HAT1: variants seen among roughly 807,000 people sequenced by gnomAD.
HAT1 encodes histone acetyltransferase type B catalytic subunit.
Under a neutral mutation model 56.6 loss-of-function variants are expected in HAT1, and 20 were observed. The observed-to-expected ratio is 0.35, with a 90% CI of 0.25 to 0.51. The LOEUF (loss-of-function observed/expected upper bound fraction) is 0.51, where lower values mean the gene tolerates loss of function less well. Among genes scored for constraint, HAT1 ranks in the 20% least tolerant of loss-of-function variants. The probability of loss-of-function intolerance (pLI) is 0.95; values close to 1 mark genes in which losing one functional copy is unlikely to be tolerated. For missense variants in HAT1, 408 were observed against 504.3 expected (o/e 0.81, Z 1.83); for synonymous variants, 146 against 165.5 (o/e 0.88, Z 0.91).
At chr2:171,977,557 A>ATTTT (rs1172067451) in intron 9 of HAT1, among the ~76,000 whole-genome samples, 18 of 16,328 alleles carry the variant, frequency 1.1e-3, no homozygotes, top group East Asian at 7.5e-3. Flanking sequence ...ATATATATAT[A>ATTTT]TTTTTTTTTT....
At chr2:171,977,377 G>A (rs1297784307) in intron 9 of HAT1, among the ~76,000 whole-genome samples, 1 of 142,538 alleles carries the variant, frequency 7.0e-6, no homozygotes, top group African/African-American at 2.6e-5. Context: ...CAGAAGAATC[G>A]CTTAAACCTG....
At chr2:171,931,211 C>T (rs1558962262) in intron 2 of HAT1, among the ~76,000 whole-genome samples, 1 of 150,762 alleles carries the variant, frequency 6.6e-6, no homozygotes, top group Non-Finnish European at 1.5e-5. Flanking sequence ...AGCAACATGG[C>T]AGAACCCCAT....
chr2:171,946,782 GAGTA>G lies in HAT1; in HGVS notation c.188+5_188+8del. 7.1e-7 allele frequency: 1 copy of G among 1,407,126 alleles called. No homozygotes were observed. Among genetic ancestry groups the G allele is most frequent in the Non-Finnish European group, 9.9e-7 (1 of 1,009,234 alleles). 87.2% of individuals were successfully genotyped at this position (1,407,126 alleles called of 1,614,324 possible). ...GTATACCCATCAACTCTTTGGGGAT[GAGTA>G]AGTAACTTAGTAAAATATTTGTCAA... On this transcript the variant is annotated splice_donor_variant and splice_donor_region_variant and coding_sequence_variant and intron_variant, in exon 3 of 11. Coordinates refer to ENST00000264108, the MANE Select transcript of HAT1 (RefSeq NM_003642.4). LOFTEE classifies it high-confidence loss of function.
At chr2:171,975,746 C>CT (rs909485972) in intron 8 of HAT1, among the ~76,000 whole-genome samples, 4 of 151,696 alleles carry the variant, frequency 2.6e-5, no homozygotes, top group South Asian at 4.2e-4. Flanking sequence ...TGTTTTCTCT[C>CT]TTTTTTTTCA....
At chr2:171,978,824 G>A (rs569438434) in intron 9 of HAT1, among the ~76,000 whole-genome samples, 3 of 151,480 alleles carry the variant, frequency 2.0e-5, no homozygotes, top group South Asian at 2.1e-4. Context: ...AGTGGCTTAC[G>A]CCAGTAACTC....
intron 8 of HAT1, among the ~76,000 whole-genome samples, chr2:171,968,724 A>G (rs554300655): frequency 4.6e-4 from 70 of 152,248 alleles, no homozygotes; most frequent in Non-Finnish European, 9.6e-4. Flanking sequence ...TCTCATTAAG[A>G]TATTTATTTC....
intron 2 of HAT1, among the ~76,000 whole-genome samples, chr2:171,946,389 T>G (rs1279854188): frequency 1.3e-5 from 2 of 152,256 alleles, no homozygotes; most frequent in Non-Finnish European, 2.9e-5. Context: ...CTTTTTGTTT[T>G]TCCTTTACTC....
chr2:171,960,865 A>G (rs1415527147), intron 4 of HAT1, among the ~76,000 whole-genome samples: 1 of 151,892 alleles, frequency 6.6e-6, no homozygotes, highest in Non-Finnish European at 1.5e-5. Flanking sequence ...AAAAATGCTG[A>G]ACGTGGTGGC....
chr2:171,926,757 CATAA>C (rs1182555827), intron 2 of HAT1, among the ~76,000 whole-genome samples: 3 of 152,176 alleles, frequency 2.0e-5, no homozygotes, highest in Non-Finnish European at 4.4e-5. Flanking sequence ...AGAAGTTAAA[CATAA>C]ATGAATTATA....
At chr2:171,971,968 G>A (rs1687825357) in intron 8 of HAT1, among the ~76,000 whole-genome samples, 1 of 152,072 alleles carries the variant, frequency 6.6e-6, no homozygotes, top group Admixed American at 6.5e-5. Context: ...GGGTCCCAAA[G>A]GGCAGCCCCT....
intron 3 of HAT1, among the ~76,000 whole-genome samples, chr2:171,949,592 T>A (rs528524551): frequency 6.6e-6 from 1 of 151,432 alleles, no homozygotes; most frequent in African/African-American, 2.4e-5. Context: ...GAGAATTGCC[T>A]GAACCTGGGA....
intron 2 of HAT1, among the ~76,000 whole-genome samples, chr2:171,935,936 A>G (rs1296781968): frequency 6.6e-6 from 1 of 152,104 alleles, no homozygotes. Context: ...AGGTAGGAAG[A>G]TAAGTGGTGA....
At chr2:171,969,523 G>A (rs948726043) in intron 8 of HAT1, among the ~76,000 whole-genome samples, 1 of 152,060 alleles carries the variant, frequency 6.6e-6, no homozygotes. Flanking sequence ...TTAAATTCAA[G>A]AAAATTTTAT....
At chr2:171,972,453 T>TG (rs1687840773) in intron 8 of HAT1, among the ~76,000 whole-genome samples, 1 of 152,202 alleles carries the variant, frequency 6.6e-6, no homozygotes, top group South Asian at 2.1e-4. Flanking sequence ...TCTGTAGAGA[T>TG]GGGGTCTCAC....
intron 3 of HAT1, among the ~76,000 whole-genome samples, chr2:171,948,781 A>G (rs917922624): frequency 6.6e-6 from 1 of 152,146 alleles, no homozygotes; most frequent in Non-Finnish European, 1.5e-5. Flanking sequence ...TTTATTTGTG[A>G]TTAAACTCAG....
intron 8 of HAT1, among the ~76,000 whole-genome samples, chr2:171,971,158 A>G (rs1687807155): frequency 1.3e-5 from 2 of 152,324 alleles, no homozygotes; most frequent in South Asian, 2.1e-4. Context: ...AGATCGCGCC[A>G]CTGTACTCCA....
intron 10 of HAT1, among the ~76,000 whole-genome samples, chr2:171,982,478 T>C (rs1688156758): frequency 6.6e-6 from 1 of 152,188 alleles, no homozygotes; most frequent in Non-Finnish European, 1.5e-5. Flanking sequence ...CAACTCTGGC[T>C]TGAACTACTG....
At chr2:171,931,299 G>A (rs1686739265) in intron 2 of HAT1, among the ~76,000 whole-genome samples, 1 of 152,090 alleles carries the variant, frequency 6.6e-6, no homozygotes, top group South Asian at 2.1e-4. Context: ...GAGGTGGGAG[G>A]ATCTGCCTGA....
chr2:171,969,329 T>C (rs1558977442), intron 8 of HAT1, among the ~76,000 whole-genome samples: 1 of 152,220 alleles, frequency 6.6e-6, no homozygotes, highest in Non-Finnish European at 1.5e-5. Flanking sequence ...TATAGCTTTT[T>C]AGAATATTAT....
Sources: allele counts gnomAD v4.1 joint callset (sites outside exome capture counted in the v4.1 genomes callset), GRCh38; gene constraint gnomAD v4.1.1; transcripts MANE v1.5; gene names NCBI Gene and HGNC (gene_info 2026-07-23, HGNC 2026-07-21).